The following ESR2 variants were observed in gnomAD, a reference collection of about 807,000 sequenced individuals.
ESR2 encodes estrogen receptor beta.
In ESR2, 36 loss-of-function variants were observed where a neutral mutation model predicts 49.6. That is an observed-to-expected ratio of 0.73 (90% CI 0.56 to 0.96). The LOEUF is 0.96. Among genes scored for constraint, ESR2 ranks in the 40% least tolerant of loss-of-function variants. ESR2 has a pLI of 0.00. For synonymous variants in ESR2, 320 were observed against 266.1 expected (o/e 1.20, Z -1.97); for missense variants, 714 against 693.0 (o/e 1.03, Z -0.34).
chr14:64,277,366 C>G (rs908420555), intron 3 of ESR2, among the ~76,000 whole-genome samples: 2 of 152,178 alleles, frequency 1.3e-5, no homozygotes, highest in South Asian at 2.1e-4. Flanking sequence ...TGGCTCACAC[C>G]TGTAATCCCA....
At chr14:64,300,718 T>C (rs555245781) in intron 1 of ESR2, among the ~76,000 whole-genome samples, 29 of 152,144 alleles carry the variant, frequency 1.9e-4, no homozygotes, top group South Asian at 4.1e-4. Flanking sequence ...ATCACACCAC[T>C]GCACTTCAGC....
chr14:64,331,222 A>C (rs1378319763), intron 1 of ESR2, among the ~76,000 whole-genome samples: 1 of 152,250 alleles, frequency 6.6e-6, no homozygotes, highest in Non-Finnish European at 1.5e-5. Flanking sequence ...AGCTATGTTA[A>C]TATCAGACAA....
Position 64,282,756 on chromosome 14 carries a change from T to C in ESR2, c.230A>G (p.Asn77Ser). 6.2e-7 allele frequency: 1 copy of C among 1,614,228 alleles called. No homozygotes were observed. Among genetic ancestry groups the C allele is most frequent in the Non-Finnish European group, 8.5e-7 (1 of 1,180,042 alleles). The change falls in exon 2 of 9, where the codon AAT becomes AGT. Residue 77 changes from asparagine to serine, a missense_variant. Asn to Ser is a conservative substitution (Grantham distance 46). Transcript: ENST00000341099. ...GTGCCCAGGTGTTGGCCACAACACA[T>C]TTGGGCTTGTGGTCTGCCGACCAGG... The part of the protein sequence containing the change: ...GGPGRQTTSP[N>S]VLWPTPGHLS...
intron 3 of ESR2, 64 bp downstream of exon 3, chr14:64,279,917 C>G (rs1293798305): frequency 1.4e-6 from 2 of 1,390,188 alleles, no homozygotes; most frequent in African/African-American, 2.8e-5. Context: ...GCCAAGTCAT[C>G]TCTGCAAAAT....
chr14:64,273,122 C>T (rs2076482788), intron 3 of ESR2, among the ~76,000 whole-genome samples: 1 of 150,596 alleles, frequency 6.6e-6, no homozygotes, highest in South Asian at 2.1e-4. Flanking sequence ...TAAATGAGAT[C>T]ACTTTAGATT....
chr14:64,316,787 C>A (rs1379594616), intron 1 of ESR2, among the ~76,000 whole-genome samples: 1 of 151,942 alleles, frequency 6.6e-6, no homozygotes, highest in East Asian at 1.9e-4. Flanking sequence ...CCAGCCTGGG[C>A]AATGGACTAA....
intron 1 of ESR2, among the ~76,000 whole-genome samples, chr14:64,285,228 C>A (rs180707016): frequency 6.6e-6 from 1 of 152,148 alleles, no homozygotes; most frequent in African/African-American, 2.4e-5. Flanking sequence ...TCCTCCAGAT[C>A]CATAGAGTTG....
intron 1 of ESR2, among the ~76,000 whole-genome samples, chr14:64,337,711 T>C (rs1435617549): frequency 6.6e-6 from 1 of 152,182 alleles, no homozygotes; most frequent in Non-Finnish European, 1.5e-5. Context: ...TCTAATTCCA[T>C]ATGTGGGACT....
intron 1 of ESR2, among the ~76,000 whole-genome samples, chr14:64,301,870 C>T (rs1399702958): frequency 6.6e-6 from 1 of 152,134 alleles, no homozygotes; most frequent in Non-Finnish European, 1.5e-5. Context: ...CAGAGATCCT[C>T]AGATTGAAGG....
intron 1 of ESR2, among the ~76,000 whole-genome samples, chr14:64,305,980 G>A (rs1297232985): frequency 6.6e-6 from 1 of 152,150 alleles, no homozygotes; most frequent in Non-Finnish European, 1.5e-5. Flanking sequence ...GGAGGCCGAG[G>A]CAGGCGGATC....
intron 7 of ESR2, among the ~76,000 whole-genome samples, chr14:64,238,595 C>T (rs2075656010): frequency 6.6e-6 from 1 of 152,066 alleles, no homozygotes; most frequent in African/African-American, 2.4e-5. Flanking sequence ...AGGCCCTGGG[C>T]AGCATGGGGC....
chr14:64,323,802 C>T (rs1167875585), intron 1 of ESR2, among the ~76,000 whole-genome samples: 1 of 152,148 alleles, frequency 6.6e-6, no homozygotes, highest in Non-Finnish European at 1.5e-5. Flanking sequence ...ATCGATTCTC[C>T]TGCTTCAACC....
intron 6 of ESR2, among the ~76,000 whole-genome samples, chr14:64,251,243 G>T (rs1328750326): frequency 6.7e-6 from 1 of 149,774 alleles, no homozygotes; most frequent in Non-Finnish European, 1.5e-5. Flanking sequence ...ATTGGAAATT[G>T]TAACTGTTGG....
intron 1 of ESR2, chr14:64,329,309 A>C (rs1465552794): frequency 2.0e-5 from 3 of 152,262 alleles, no homozygotes; most frequent in African/African-American, 4.8e-5. Flanking sequence ...CTGCCTTAAC[A>C]ACCCAAACAC....
chr14:64,250,412 T>C (rs2075964222), intron 6 of ESR2, among the ~76,000 whole-genome samples: 1 of 152,210 alleles, frequency 6.6e-6, no homozygotes, highest in Non-Finnish European at 1.5e-5. Context: ...GAAATAAATG[T>C]TTAAATATAC....
At chr14:64,265,243 GT>G (rs2076304600) in intron 4 of ESR2, among the ~76,000 whole-genome samples, 1 of 152,200 alleles carries the variant, frequency 6.6e-6, no homozygotes, top group Non-Finnish European at 1.5e-5. Flanking sequence ...TTAGGCAGTG[GT>G]AAATAGCCCC....
intron 1 of ESR2, among the ~76,000 whole-genome samples, chr14:64,299,651 C>T (rs1048962008): frequency 1.3e-5 from 2 of 152,150 alleles, no homozygotes; most frequent in Admixed American, 1.3e-4. Flanking sequence ...CGTCAGCCAC[C>T]GCGCCCAGCC....
chr14:64,282,408 A>G (rs932263686), intron 2 of ESR2, among the ~76,000 whole-genome samples: 3 of 152,184 alleles, frequency 2.0e-5, no homozygotes, highest in Admixed American at 6.6e-5. Context: ...TCATGATAGC[A>G]AATTCTCCCC....
At chr14:64,299,702 G>T (rs533837036) in intron 1 of ESR2, among the ~76,000 whole-genome samples, 1 of 152,216 alleles carries the variant, frequency 6.6e-6, no homozygotes, top group Non-Finnish European at 1.5e-5. Flanking sequence ...GATTTTTTGT[G>T]CACAGAGCGT....
Sources: gnomAD v4.1 joint callset for allele counts (sites outside exome capture counted in the v4.1 genomes callset) on GRCh38, gnomAD v4.1.1 for gene constraint, MANE v1.5 for transcripts, NCBI Gene and HGNC (gene_info 2026-07-23, HGNC 2026-07-21) for gene names.